DPP6: variants seen among roughly 807,000 people sequenced by gnomAD.
DPP6 encodes the protein A-type potassium channel modulatory protein DPP6.
Under a neutral mutation model 122.6 loss-of-function variants are expected in DPP6, and 69 were observed. That is an observed-to-expected ratio of 0.56 (90% confidence interval 0.46 to 0.69). DPP6 has a LOEUF of 0.69. Among genes scored for constraint, DPP6 ranks in the 30% least tolerant of loss-of-function variants. The probability of loss-of-function intolerance (pLI) is 0.00; values close to 1 mark genes in which losing one functional copy is unlikely to be tolerated. For synonymous variants in DPP6, 418 were observed against 433.1 expected, an observed-to-expected ratio of 0.97 and a Z score of 0.43; for missense variants, 928 against 1,116.9, an observed-to-expected ratio of 0.83 and a Z score of 2.41.
At chr7:154,073,329 C>G (rs552310657) in intron 1 of DPP6, among the ~76,000 whole-genome samples, 1 of 152,268 alleles carries the variant, frequency 6.6e-6, no homozygotes, top group East Asian at 1.9e-4. Flanking sequence ...AGTGGGGGAA[C>G]TCCTGGTCCG....
chr7:154,748,344 G>C (rs1423054757), intron 8 of DPP6, among the ~76,000 whole-genome samples: 1 of 152,210 alleles, frequency 6.6e-6, no homozygotes, highest in Non-Finnish European at 1.5e-5. Flanking sequence ...AAGGGAAGCA[G>C]ACTGGACAAA....
At chr7:153,856,790 C>G in the DPP6 span, among the ~76,000 whole-genome samples, 4 of 152,266 alleles carry the variant, frequency 2.6e-5, no homozygotes, top group Non-Finnish European at 4.4e-5. Context: ...ATCACATTTT[C>G]AGGATCGCCA....
chr7:154,018,501 A>G lies in DPP6; in HGVS notation c.51+130767A>G, dbSNP rs1361588330. Among the ~76,000 whole-genome samples the G allele has an allele frequency of 2.0e-5, 3 of 152,206 alleles. No individual in the cohort carries two copies. The East Asian group carries it at 5.8e-4, about 29-fold the overall frequency. ...AGACGACTCTTTGTGGAGTCTAGGA[A>G]CAGGCAAGTGTCCCTATATATGGAA... is the stretch of plus-strand genomic sequence containing the variant. On this transcript the variant is annotated intron_variant, in intron 1 of 25. Coordinates refer to the DPP6 transcript ENST00000404039.
chr7:154,312,356 CA>C (rs1436740634), intron 1 of DPP6, among the ~76,000 whole-genome samples: 1 of 152,220 alleles, frequency 6.6e-6, no homozygotes, highest in Non-Finnish European at 1.5e-5. Flanking sequence ...ATCCTGAATG[CA>C]GCCCTCCACC....
intron 6 of DPP6, among the ~76,000 whole-genome samples, chr7:154,663,792 A>T (rs1166454198): frequency 8.1e-6 from 1 of 123,024 alleles, no homozygotes; most frequent in East Asian, 2.7e-4. Context: ...TATCGGCCAT[A>T]GTGTTCATAT....
intron 6 of DPP6, among the ~76,000 whole-genome samples, chr7:154,646,152 T>C (rs1227064459): frequency 6.8e-6 from 1 of 146,406 alleles, no homozygotes; most frequent in African/African-American, 2.5e-5. Flanking sequence ...GGACAGAAAA[T>C]AAATCTCATA....
At chr7:154,340,785 A>G (rs534343049) in intron 1 of DPP6, among the ~76,000 whole-genome samples, 7 of 152,268 alleles carry the variant, frequency 4.6e-5, no homozygotes, top group Admixed American at 3.3e-4. Context: ...CTGTTATTAT[A>G]CCTACCTTGC....
At chr7:153,940,969 A>G (rs1474622184) in intron 1 of DPP6, among the ~76,000 whole-genome samples, 1 of 152,138 alleles carries the variant, frequency 6.6e-6, no homozygotes, top group Admixed American at 6.5e-5. Flanking sequence ...TGCACATGGG[A>G]GAGGGCACAG....
At chr7:154,405,300 T>A (rs1815987237) in intron 1 of DPP6, among the ~76,000 whole-genome samples, 1 of 152,180 alleles carries the variant, frequency 6.6e-6, no homozygotes, top group Non-Finnish European at 1.5e-5. Context: ...ATCCCTGTGG[T>A]TTGTTTTTGG....
intron 1 of DPP6, among the ~76,000 whole-genome samples, chr7:154,388,204 G>A (rs904507358): frequency 2.0e-5 from 3 of 152,092 alleles, no homozygotes; most frequent in Admixed American, 6.5e-5. Context: ...TTGGGAGCTC[G>A]AAGTAGGAGG....
intron 1 of DPP6, among the ~76,000 whole-genome samples, chr7:154,088,220 T>C (rs1489333218): frequency 1.3e-5 from 2 of 152,042 alleles, no homozygotes; most frequent in Non-Finnish European, 2.9e-5. Flanking sequence ...TGGGAGGGGC[T>C]GTGCTCTCTG....
At chr7:153,834,486 C>T in the DPP6 span, among the ~76,000 whole-genome samples, 1 of 151,716 alleles carries the variant, frequency 6.6e-6, no homozygotes, top group African/African-American at 2.4e-5. Flanking sequence ...GGATAAGAAC[C>T]TCCACTTTAC....
At chr7:154,325,166 C>T (rs1808337127) in intron 1 of DPP6, among the ~76,000 whole-genome samples, 1 of 152,112 alleles carries the variant, frequency 6.6e-6, no homozygotes, top group African/African-American at 2.4e-5. Flanking sequence ...CGTGCCTGGC[C>T]TACAGTCTCC....
chr7:154,703,136 G>T (rs1171359646), intron 7 of DPP6, among the ~76,000 whole-genome samples: 1 of 152,168 alleles, frequency 6.6e-6, no homozygotes, highest in East Asian at 1.9e-4. Flanking sequence ...CCACTGTTGA[G>T]ACCTACTGCT....
At chr7:154,252,235 T>C (rs10258511) in intron 1 of DPP6, among the ~76,000 whole-genome samples, 1,857 of 149,434 alleles carry the variant, frequency 0.012, 33 homozygotes, top group African/African-American at 0.041. Context: ...TGTGTGTGTG[T>C]GCGCGCATGC....
At chr7:153,831,764 G>A in the DPP6 span, among the ~76,000 whole-genome samples, 2 of 152,218 alleles carry the variant, frequency 1.3e-5, no homozygotes, top group Admixed American at 1.3e-4. Flanking sequence ...CAGGCAGTGG[G>A]CTGGGTTTGG....
chr7:154,611,853 A>ATGTGTG (rs556116932), intron 5 of DPP6, among the ~76,000 whole-genome samples: 237 of 147,934 alleles, frequency 1.6e-3, no homozygotes, highest in African/African-American at 5.7e-3. Context: ...TTGCTTTCAT[A>ATGTGTG]TATGTGTGTG....
intron 1 of DPP6, among the ~76,000 whole-genome samples, chr7:154,436,510 C>T (rs774265952): frequency 3.3e-5 from 5 of 152,114 alleles, no homozygotes; most frequent in Admixed American, 6.5e-5. Context: ...TCTCCCACCG[C>T]GTGCAAGTGT....
chr7:154,147,468 TC>T (rs1563247472), intron 1 of DPP6, among the ~76,000 whole-genome samples: 4 of 148,516 alleles, frequency 2.7e-5, no homozygotes, highest in African/African-American at 7.8e-5. Flanking sequence ...CTTCCTTCCT[TC>T]CTTCCTTCCT....
Sources: gnomAD v4.1 joint callset for allele counts (sites outside exome capture counted in the v4.1 genomes callset) on GRCh38, gnomAD v4.1.1 for gene constraint, MANE v1.5 for transcripts, NCBI Gene and HGNC (gene_info 2026-07-23, HGNC 2026-07-21) for gene names.